Variants in FBXL7 observed in about 807,000 individuals in gnomAD.
The protein encoded by FBXL7 is F-box and leucine rich repeat protein 7, also known as F-box/LRR-repeat protein 7.
In FBXL7, 12 loss-of-function variants were observed where a neutral mutation model predicts 38.3. The ratio of observed to expected loss-of-function variants is 0.31; its 90% confidence interval spans 0.20 to 0.51. FBXL7 has a LOEUF of 0.51. Ranked by LOEUF, FBXL7 falls within the 20% of genes least tolerant of loss-of-function variation. The pLI, the probability that FBXL7 is intolerant of heterozygous loss-of-function variation, is 0.98. For synonymous variants in FBXL7, 297 were observed against 300.9 expected (o/e 0.99, Z 0.13); for missense variants, 567 against 676.4 (o/e 0.84, Z 1.79).
At chr5:15,869,976 G>A (rs1353802825) in intron 2 of FBXL7, among the ~76,000 whole-genome samples, 2 of 152,026 alleles carry the variant, frequency 1.3e-5, no homozygotes, top group Non-Finnish European at 2.9e-5. Flanking sequence ...TGGATGTGGT[G>A]GCACACTCCT....
At chr5:15,859,893 G>A (rs1274918271) in intron 2 of FBXL7, among the ~76,000 whole-genome samples, 2 of 152,074 alleles carry the variant, frequency 1.3e-5, no homozygotes, top group East Asian at 3.9e-4. Flanking sequence ...GTTGACCAAG[G>A]TTCACAATTT....
chr5:15,768,940 A>G (rs1316178605), intron 2 of FBXL7, among the ~76,000 whole-genome samples: 2 of 152,270 alleles, frequency 1.3e-5, no homozygotes, highest in African/African-American at 4.8e-5. Context: ...AACAAACAGT[A>G]ATTGAGTCAA....
At chr5:15,929,346 G>A (rs144581678) in intron 3 of FBXL7, among the ~76,000 whole-genome samples, 32 of 152,358 alleles carry the variant, frequency 2.1e-4, no homozygotes, top group African/African-American at 3.8e-4. Context: ...GAAGTCGGGC[G>A]TAGAGGCCCA....
intron 2 of FBXL7, among the ~76,000 whole-genome samples, chr5:15,915,591 C>T (rs927893363): frequency 2.0e-5 from 3 of 152,194 alleles, no homozygotes; most frequent in Non-Finnish European, 4.4e-5. Context: ...CGTCAATAGA[C>T]CTTATTTCCA....
At chr5:15,607,473 T>C (rs1289136667) in intron 1 of FBXL7, 7 of 152,186 alleles carry the variant, frequency 4.6e-5, no homozygotes, top group Non-Finnish European at 1.0e-4. Flanking sequence ...ATAATATTAA[T>C]AAATTAACTG....
rs549646236 is a variant in FBXL7 at position 15,529,390 on chromosome 5, C to CT, written c.37+28690dup. Reference sequence around the variant, plus strand: ...AAAGCTAAGTGTTGTAACCTAACTTCTTTTTTTTTTTTTAAGACAGAGTCT... The same window carrying CT: ...AAAGCTAAGTGTTGTAACCTAACTTCTTTTTTTTTTTTTTAAGACAGAGTCT... On this transcript the variant is annotated intron_variant, in intron 1 of 3. Transcript: ENST00000504595. Among the ~76,000 whole-genome samples the CT allele has an allele frequency of 8.7e-3, 1,251 of 144,584 alleles. 13 individuals carry two copies. The highest frequency in any genetic ancestry group is 0.025 in the African/African-American group (1,011 of 39,758). The allele number at this position is 144,584 out of a possible 152,430, so 94.9% of individuals were successfully genotyped here.
chr5:15,681,396 G>C (rs1172862130), intron 2 of FBXL7, among the ~76,000 whole-genome samples: 2 of 152,162 alleles, frequency 1.3e-5, no homozygotes, highest in Non-Finnish European at 2.9e-5. Flanking sequence ...TGTTGTCATA[G>C]AAGAAACACT....
At chr5:15,563,614 T>TC (rs1738479651) in intron 1 of FBXL7, among the ~76,000 whole-genome samples, 1 of 152,084 alleles carries the variant, frequency 6.6e-6, no homozygotes, top group African/African-American at 2.4e-5. Flanking sequence ...CCTTCTCTGC[T>TC]CCTGGCTCCT....
At position 15,938,390 on chromosome 5, in the gene FBXL7, C is replaced by T. The variant is rs1742258336; in HGVS notation, c.*1204C>T. The T allele has an allele frequency of 6.6e-6, 1 of 152,204 alleles. No individual in the cohort carries two copies. The highest frequency in any genetic ancestry group is 1.5e-5 in the Non-Finnish European group (1 of 68,038). The allele number at this position is 152,204 out of a possible 1,614,324, so 9.4% of individuals were successfully genotyped here. Reference sequence around the variant, plus strand: ...CCTGGCATGCATCAGGCACATCTGTCCTACAGCTGGCAGAGACAGATGCCT... The same window carrying T: ...CCTGGCATGCATCAGGCACATCTGTTCTACAGCTGGCAGAGACAGATGCCT... On this transcript the variant is annotated 3_prime_UTR_variant, in exon 4 of 4. Transcript: ENST00000504595.
At chr5:15,810,477 C>T (rs1737829008) in intron 2 of FBXL7, among the ~76,000 whole-genome samples, 1 of 151,482 alleles carries the variant, frequency 6.6e-6, no homozygotes, top group African/African-American at 2.4e-5. Context: ...AGGAGAATCA[C>T]TTGAACCCAG....
intron 1 of FBXL7, among the ~76,000 whole-genome samples, chr5:15,588,935 C>G (rs1739383817): frequency 6.6e-6 from 1 of 152,168 alleles, no homozygotes; most frequent in South Asian, 2.1e-4. Context: ...TGTGTTCCTT[C>G]TAACACAGCT....
At chr5:15,785,198 G>A (rs1737103340) in intron 2 of FBXL7, among the ~76,000 whole-genome samples, 1 of 152,202 alleles carries the variant, frequency 6.6e-6, no homozygotes. Context: ...CATACATTGC[G>A]TGCTCTGCAT....
At chr5:15,656,649 G>A (rs1741891725) in intron 2 of FBXL7, among the ~76,000 whole-genome samples, 3 of 151,830 alleles carry the variant, frequency 2.0e-5, no homozygotes, top group Admixed American at 1.3e-4. Flanking sequence ...GGGTGGGGAC[G>A]CAGAGCCAAA....
chr5:15,888,475 G>A (rs376907293), intron 2 of FBXL7, among the ~76,000 whole-genome samples: 16 of 151,880 alleles, frequency 1.1e-4, no homozygotes, highest in African/African-American at 3.9e-4. Flanking sequence ...GTGATCTGCC[G>A]ACCTCAGCCT....
intron 2 of FBXL7, among the ~76,000 whole-genome samples, chr5:15,802,922 G>C (rs1240413585): frequency 1.3e-5 from 2 of 152,104 alleles, no homozygotes; most frequent in African/African-American, 4.8e-5. Flanking sequence ...TGAAGTGCTG[G>C]GATTATAGGC....
intron 2 of FBXL7, among the ~76,000 whole-genome samples, chr5:15,831,760 G>A (rs896534563): frequency 2.2e-4 from 34 of 152,214 alleles, no homozygotes; most frequent in African/African-American, 7.9e-4. Flanking sequence ...ATAGTGGAGG[G>A]GAGGGAAGGG....
At chr5:15,867,058 T>C (rs72736135) in intron 2 of FBXL7, among the ~76,000 whole-genome samples, 13,691 of 152,202 alleles carry the variant, frequency 0.09, 896 homozygotes, top group Admixed American at 0.25. Flanking sequence ...TTTTCCACTC[T>C]ACATATAAAT....
intron 2 of FBXL7, among the ~76,000 whole-genome samples, chr5:15,802,656 C>G (rs1352314441): frequency 6.9e-6 from 1 of 144,326 alleles, no homozygotes; most frequent in African/African-American, 2.5e-5. Context: ...CCACATCATC[C>G]TTTTTTTTTT....
chr5:15,760,937 CAG>C (rs1168362736), intron 2 of FBXL7, among the ~76,000 whole-genome samples: 2 of 146,900 alleles, frequency 1.4e-5, no homozygotes, highest in Non-Finnish European at 3.0e-5. Flanking sequence ...AAGAATGAGA[CAG>C]AAAAAAAAAA....
Sources: gnomAD v4.1 joint callset for allele counts (sites outside exome capture counted in the v4.1 genomes callset) on GRCh38, gnomAD v4.1.1 for gene constraint, MANE v1.5 for transcripts, NCBI Gene and HGNC (gene_info 2026-07-23, HGNC 2026-07-21) for gene names.